The following HECW1 variants were observed in gnomAD, a reference collection of about 807,000 sequenced individuals.
HECW1 encodes the protein E3 ubiquitin-protein ligase HECW1.
Under a neutral mutation model 182.3 loss-of-function variants are expected in HECW1, and 61 were observed. The observed-to-expected ratio is 0.33, with a 90% CI of 0.27 to 0.41. HECW1 has a LOEUF of 0.41. Among genes scored for constraint, HECW1 ranks in the 10% least tolerant of loss-of-function variants. The pLI, the probability that HECW1 is intolerant of heterozygous loss-of-function variation, is 1.00. For synonymous variants in HECW1, 859 were observed against 832.6 expected, an observed-to-expected ratio of 1.03 and a Z score of -0.55; for missense variants, 1,739 against 2,108.9, an observed-to-expected ratio of 0.82 and a Z score of 3.44.
At chr7:43,318,314 G>C (rs1809600522) in intron 4 of HECW1, among the ~76,000 whole-genome samples, 1 of 152,180 alleles carries the variant, frequency 6.6e-6, no homozygotes, top group South Asian at 2.1e-4. Context: ...AAAATATTAT[G>C]CCTTTTTGCA....
intron 2 of HECW1, among the ~76,000 whole-genome samples, chr7:43,195,107 T>C (rs1583910800): frequency 6.6e-6 from 1 of 152,208 alleles, no homozygotes; most frequent in Admixed American, 6.5e-5. Context: ...ACAAGTATGA[T>C]TTACTTTCCA....
At chr7:43,247,856 GGAAA>G (rs201492332) in intron 3 of HECW1, among the ~76,000 whole-genome samples, 6 of 109,608 alleles carry the variant, frequency 5.5e-5, no homozygotes, top group Admixed American at 3.9e-4. Flanking sequence ...AAGGAAGGAA[GGAAA>G]GAAAGAAGAA....
intron 24 of HECW1, among the ~76,000 whole-genome samples, chr7:43,510,761 G>A (rs1172847882): frequency 1.2e-4 from 18 of 152,200 alleles, no homozygotes. Flanking sequence ...TAGGACAACA[G>A]GGACAAGTAC....
intron 2 of HECW1, among the ~76,000 whole-genome samples, chr7:43,229,730 G>C (rs1222280125): frequency 6.6e-6 from 1 of 152,170 alleles, no homozygotes; most frequent in African/African-American, 2.4e-5. Context: ...GAAATTTTGA[G>C]AAGTAACAGT....
intron 17 of HECW1, among the ~76,000 whole-genome samples, chr7:43,482,567 A>C (rs1020146686): frequency 1.3e-5 from 2 of 152,186 alleles, no homozygotes; most frequent in African/African-American, 4.8e-5. Context: ...TGTTAGGATA[A>C]GTGCCACAAA....
chr7:43,450,695 G>C lies in HECW1; in HGVS notation c.2399-133G>C, dbSNP rs549757596. 47 of 631,458 alleles carry C rather than the reference G, an allele frequency of 7.4e-5. No homozygotes were observed. In the South Asian group the frequency reaches 8.0e-4, roughly 11 times the overall value. 39.1% of individuals were successfully genotyped at this position (631,458 alleles called of 1,614,324 possible). Reference sequence around the variant, plus strand: ...CGAATGACTGTGAATGTAGCAAACTGACACACACACACAAATGGATTTCCC... The same window carrying C: ...CGAATGACTGTGAATGTAGCAAACTCACACACACACACAAATGGATTTCCC... On this transcript the variant is annotated intron_variant, in intron 11 of 29. Coordinates refer to ENST00000395891, the MANE Select transcript of HECW1 (RefSeq NM_015052.5).
intron 3 of HECW1, among the ~76,000 whole-genome samples, chr7:43,281,739 T>C (rs1189578244): frequency 8.0e-6 from 1 of 125,022 alleles, no homozygotes; most frequent in African/African-American, 2.9e-5. Context: ...TTTTTTTTTT[T>C]AGAGAGACAA....
At chr7:43,475,661 C>CCACCTCAGTCTCCT (rs1383270438) in intron 16 of HECW1, among the ~76,000 whole-genome samples, 2 of 152,170 alleles carry the variant, frequency 1.3e-5, no homozygotes, top group Non-Finnish European at 2.9e-5. Flanking sequence ...AGCAATCTTC[C>CCACCTCAGTCTCCT]CACCTCAGTC....
At chr7:43,419,770 T>C (rs949124522) in intron 8 of HECW1, among the ~76,000 whole-genome samples, 2 of 152,242 alleles carry the variant, frequency 1.3e-5, no homozygotes, top group Admixed American at 1.3e-4. Flanking sequence ...ATAAATTTAA[T>C]TTCCCCAGCA....
intron 6 of HECW1, among the ~76,000 whole-genome samples, chr7:43,373,505 ACT>A (rs1432098754): frequency 6.7e-6 from 1 of 149,802 alleles, no homozygotes; most frequent in Admixed American, 6.6e-5. Context: ...AAAGAATCTC[ACT>A]GTTTTTTTTA....
chr7:43,383,100 A>G (rs1157699242), intron 6 of HECW1, among the ~76,000 whole-genome samples: 1 of 152,224 alleles, frequency 6.6e-6, no homozygotes, highest in African/African-American at 2.4e-5. Flanking sequence ...GTACCTGCAA[A>G]GGACATGAAC....
chr7:43,556,697 T>TAA (rs201133014), intron 29 of HECW1, among the ~76,000 whole-genome samples: 15 of 144,058 alleles, frequency 1.0e-4, no homozygotes, highest in East Asian at 2.1e-4. Context: ...CAAATTAAAT[T>TAA]AAAAAAAAAA....
Position 43,445,155 on chromosome 7 carries a change from C to A in HECW1, c.1983C>A (p.Ser661Arg). ...HPSTGSESDS[S>R]PRQGGDHSCE... ...GCACCGGGAGCGAGAGCGACTCCAG[C>A]CCCAGGCAAGGCGGGGACCACAGTT... Residue 661 changes from serine (S) to arginine (R), a missense_variant, in exon 11 of 30, where the codon AGC (serine) becomes AGA (arginine). Transcript: ENST00000395891. 2.5e-6 allele frequency: 4 copies of A among 1,610,990 alleles called. No individual in the cohort carries two copies. Among genetic ancestry groups the A allele is most frequent in the African/African-American group, 1.3e-5 (1 of 75,042 alleles).
chr7:43,466,061 GGGAAGGAA>G (rs879276555), intron 14 of HECW1, among the ~76,000 whole-genome samples: 3 of 128,250 alleles, frequency 2.3e-5, no homozygotes, highest in African/African-American at 6.1e-5. Context: ...GAGGGAGGGA[GGGAAGGAA>G]GGAAGGAAGG....
chr7:43,311,375 G>C (rs369878270), intron 3 of HECW1, among the ~76,000 whole-genome samples: 1 of 152,120 alleles, frequency 6.6e-6, no homozygotes, highest in African/African-American at 2.4e-5. Flanking sequence ...CCTTAAAGAA[G>C]GATAAAATCA....
intron 16 of HECW1, among the ~76,000 whole-genome samples, chr7:43,473,018 C>A (rs1264960546): frequency 6.6e-6 from 1 of 152,160 alleles, no homozygotes; most frequent in Non-Finnish European, 1.5e-5. Context: ...GGAGGTGGGG[C>A]CTAGTGGAAG....
chr7:43,561,986 C>A lies in HECW1; in HGVS notation c.*60C>A. The A allele has an allele frequency of 1.1e-6, 1 of 946,702 alleles. No individual in the cohort carries two copies. The highest frequency in any genetic ancestry group is 1.9e-5 in the Admixed American group (1 of 51,744). 58.6% of individuals were successfully genotyped at this position (946,702 alleles called of 1,614,324 possible). A position where few individuals can be genotyped will look rare whatever the true frequency, so the allele number is the denominator to read the frequency against. On this transcript the variant is annotated 3_prime_UTR_variant, in exon 30 of 30. Transcript: ENST00000395891. ...GTGACATCACCCTTCCTGGGATGAT[C>A]CCCTTTTCCCTTTCCCTTAATCAAC...
intron 2 of HECW1, chr7:43,121,726 A>G (rs539397871): frequency 1.3e-5 from 2 of 152,248 alleles, no homozygotes; most frequent in South Asian, 4.2e-4. Context: ...TCCTAATAGG[A>G]TATGATTTAT....
chr7:43,345,825 CACAT>C (rs371812687), intron 5 of HECW1, among the ~76,000 whole-genome samples: 31 of 129,662 alleles, frequency 2.4e-4, no homozygotes, highest in African/African-American at 7.5e-4. Context: ...CACACACACA[CACAT>C]CATATATATA....
Sources: allele counts gnomAD v4.1 joint callset (sites outside exome capture counted in the v4.1 genomes callset), GRCh38; gene constraint gnomAD v4.1.1; transcripts MANE v1.5; gene names NCBI Gene and HGNC (gene_info 2026-07-23, HGNC 2026-07-21).